PRH1: variants seen among roughly 807,000 people sequenced by gnomAD.
The protein encoded by PRH1 is salivary acidic proline-rich phosphoprotein 1/2.
A neutral mutation model predicts 7.9 loss-of-function variants in PRH1; 7 were observed. The ratio of observed to expected loss-of-function variants is 0.89; its 90% CI spans 0.50 to 1.67. The LOEUF is 1.67. PRH1 is among the 40% of genes most tolerant of loss of function. The pLI, the probability that PRH1 is intolerant of heterozygous loss-of-function variation, is 0.00. For missense variants in PRH1, 109 were observed against 223.6 expected, an observed-to-expected ratio of 0.49 and a Z score of 3.27; for synonymous variants, 45 against 80.8, an observed-to-expected ratio of 0.56 and a Z score of 2.38.
chr12:11,128,064 T>C (rs1458110796), intron 1 of PRH1, among the ~76,000 whole-genome samples: 1 of 137,406 alleles, frequency 7.3e-6, no homozygotes. Context: ...TGAGCCGAGA[T>C]GGCGCCACTG....
chr12:10,997,372 CAGTTTGATCTTCCA>C (rs1565534602), intron 1 of PRH1: 1 of 1,614,114 alleles, frequency 6.2e-7, no homozygotes, highest in Non-Finnish European at 8.5e-7. Flanking sequence ...TTGCATTCCT[CAGTTTGATCTTCCA>C]AGTTACGTTT....
chr12:10,921,638 T>A (rs534057922), intron 2 of PRH1, among the ~76,000 whole-genome samples: 1 of 152,328 alleles, frequency 6.6e-6, no homozygotes, highest in African/African-American at 2.4e-5. Flanking sequence ...CATTCATTTA[T>A]TTATTTACTA....
intron 1 of PRH1, among the ~76,000 whole-genome samples, chr12:11,027,670 A>G (rs1227878789): frequency 6.6e-6 from 1 of 152,226 alleles, no homozygotes; most frequent in African/African-American, 2.4e-5. Flanking sequence ...CAGAAGATAT[A>G]GACTCTGCTC....
At chr12:11,015,621 A>G (rs1314521471) in intron 1 of PRH1, among the ~76,000 whole-genome samples, 1 of 152,130 alleles carries the variant, frequency 6.6e-6, no homozygotes, top group Non-Finnish European at 1.5e-5. Flanking sequence ...AGTCCATGAG[A>G]TGAAGTGGGA....
intron 1 of PRH1, among the ~76,000 whole-genome samples, chr12:11,041,908 A>G (rs1384004656): frequency 6.6e-6 from 1 of 152,212 alleles, no homozygotes; most frequent in Non-Finnish European, 1.5e-5. Flanking sequence ...TTAAAAGGAA[A>G]TGGAAAATTG....
intron 1 of PRH1, among the ~76,000 whole-genome samples, chr12:11,153,067 A>C (rs1947147615): frequency 6.6e-6 from 1 of 152,206 alleles, no homozygotes; most frequent in South Asian, 2.1e-4. Context: ...CAGTTATTTA[A>C]ATTATTGTCC....
intron 1 of PRH1, among the ~76,000 whole-genome samples, chr12:11,115,597 T>A (rs916405979): frequency 1.3e-5 from 2 of 152,106 alleles, no homozygotes; most frequent in African/African-American, 2.4e-5. Flanking sequence ...GAATAAACAT[T>A]CTTTTCCTCA....
intron 2 of PRH1, among the ~76,000 whole-genome samples, chr12:10,898,459 A>C (rs777333544): frequency 6.6e-6 from 1 of 152,196 alleles, no homozygotes. Flanking sequence ...GGAAAATATT[A>C]TATGCTGAAA....
At chr12:10,921,213 A>G (rs902324979) in intron 2 of PRH1, among the ~76,000 whole-genome samples, 2 of 152,062 alleles carry the variant, frequency 1.3e-5, no homozygotes, top group Non-Finnish European at 2.9e-5. Context: ...TGAGAATAAA[A>G]CATTTAGGTT....
In PRH1 at chr12:10,996,853, T is replaced by A. The variant is rs541309782; in HGVS notation, c.-125-23132A>T. The A allele has an allele frequency of 2.3e-6, 3 of 1,298,704 alleles. No individual in the cohort carries two copies. The African/African-American group carries it at 4.4e-5, about 19-fold the overall frequency. 80.4% of individuals were successfully genotyped at this position (1,298,704 alleles called of 1,614,324 possible). On this transcript the variant is annotated intron_variant, in intron 1 of 3. Coordinates refer to the PRH1 transcript ENST00000539853. ...AACTTTTGGAAATTACTCAAATACA[T>A]AGACTACGGAAAAACTTGTGGGAAA...
chr12:10,944,072 G>T (rs764116258), intron 2 of PRH1, among the ~76,000 whole-genome samples: 7 of 151,882 alleles, frequency 4.6e-5, no homozygotes, highest in African/African-American at 1.5e-4. Context: ...GCTCTTTTTT[G>T]GTTCCATATA....
intron 1 of PRH1, among the ~76,000 whole-genome samples, chr12:10,998,735 T>C (rs1940429229): frequency 6.6e-6 from 1 of 152,158 alleles, no homozygotes; most frequent in South Asian, 2.1e-4. Context: ...ACCTGCAAGC[T>C]TGTAAACATT....
At chr12:11,055,614 A>G (rs1943332756) in intron 1 of PRH1, among the ~76,000 whole-genome samples, 2 of 152,342 alleles carry the variant, frequency 1.3e-5, no homozygotes, top group Non-Finnish European at 2.9e-5. Flanking sequence ...GTTATAAGAT[A>G]AAATGTTTCA....
intron 1 of PRH1, among the ~76,000 whole-genome samples, chr12:10,993,124 A>T (rs1940023195): frequency 1.3e-5 from 2 of 152,168 alleles, no homozygotes; most frequent in African/African-American, 4.8e-5. Context: ...CTTAAATCAC[A>T]CTTGCAGATG....
At chr12:11,089,095 G>T (rs1944798371) in intron 1 of PRH1, among the ~76,000 whole-genome samples, 1 of 115,910 alleles carries the variant, frequency 8.6e-6, no homozygotes, top group African/African-American at 2.9e-5. Context: ...GGCACAAGGA[G>T]TGATGGTATT....
At chr12:10,972,182 C>T (rs11054125) in intron 2 of PRH1, among the ~76,000 whole-genome samples, 36,929 of 151,826 alleles carry the variant, frequency 0.24, 4,523 homozygotes, top group Non-Finnish European at 0.25. Context: ...ATACAAATTC[C>T]ACCATTACTA....
intron 1 of PRH1, chr12:10,997,425 T>A: frequency 5.6e-6 from 9 of 1,613,970 alleles, no homozygotes; most frequent in Non-Finnish European, 7.6e-6. Flanking sequence ...CACACATTTA[T>A]ATACGTGTGT....
intron 1 of PRH1, among the ~76,000 whole-genome samples, chr12:10,995,219 A>G (rs2136002645): frequency 6.6e-6 from 1 of 152,288 alleles, no homozygotes; most frequent in East Asian, 1.9e-4. Context: ...TCAAAGTATC[A>G]TTTTTCAATA....
At chr12:11,137,553 T>C (rs1946590868) in intron 1 of PRH1, among the ~76,000 whole-genome samples, 1 of 152,198 alleles carries the variant, frequency 6.6e-6, no homozygotes, top group African/African-American at 2.4e-5. Context: ...TGCTTTGTCT[T>C]TCTTACTAGG....
Sources: allele counts gnomAD v4.1 joint callset (sites outside exome capture counted in the v4.1 genomes callset), GRCh38; gene constraint gnomAD v4.1.1; transcripts MANE v1.5; gene names NCBI Gene and HGNC (gene_info 2026-07-23, HGNC 2026-07-21).